The following VWA3B variants were observed in gnomAD, a reference collection of about 807,000 sequenced individuals.
The protein encoded by VWA3B is von Willebrand factor A domain-containing protein 3B.
In VWA3B, 138 loss-of-function variants were observed where a neutral mutation model predicts 158.3. The observed-to-expected ratio is 0.87, with a 90% CI of 0.76 to 1.00. VWA3B has a LOEUF of 1.00. Ranked by LOEUF, VWA3B falls within the 50% of genes least tolerant of loss-of-function variation. VWA3B has a pLI of 0.00. For missense variants in VWA3B, 1,555 were observed against 1,565.1 expected (o/e 0.99, Z 0.11); for synonymous variants, 596 against 587.3 (o/e 1.01, Z -0.21).
At chr2:98,198,604 G>A (rs1682262241) in intron 12 of VWA3B, among the ~76,000 whole-genome samples, 1 of 151,888 alleles carries the variant, frequency 6.6e-6, no homozygotes, top group Non-Finnish European at 1.5e-5. Context: ...AATGCATAGA[G>A]TCATGTATCT....
intron 22 of VWA3B, among the ~76,000 whole-genome samples, 185 bp downstream of exon 22, chr2:98,271,068 C>T (rs1688173367): frequency 6.6e-6 from 1 of 151,778 alleles, no homozygotes. Flanking sequence ...TTCGATTGTA[C>T]TATGGACTTA....
intron 5 of VWA3B, among the ~76,000 whole-genome samples, chr2:98,123,748 T>A (rs1675149979): frequency 1.3e-5 from 2 of 152,094 alleles, no homozygotes; most frequent in African/African-American, 4.8e-5. Context: ...GAGTTTCTGC[T>A]CTTCAGTAGC....
chr2:98,221,592 T>C (rs1409915575), intron 14 of VWA3B, among the ~76,000 whole-genome samples: 1 of 152,184 alleles, frequency 6.6e-6, no homozygotes, highest in Non-Finnish European at 1.5e-5. Flanking sequence ...AATGCTCTGA[T>C]TTATTTCCCT....
At chr2:98,090,772 T>C (rs1478666900) in intron 1 of VWA3B, among the ~76,000 whole-genome samples, 1 of 151,876 alleles carries the variant, frequency 6.6e-6, no homozygotes, top group Non-Finnish European at 1.5e-5. Flanking sequence ...TGAGTCTCGC[T>C]AAAGACAAGT....
At chr2:98,128,676 A>C (rs1675577695) in intron 6 of VWA3B, among the ~76,000 whole-genome samples, 1 of 152,138 alleles carries the variant, frequency 6.6e-6, no homozygotes, top group South Asian at 2.1e-4. Flanking sequence ...ATTCCTAGAG[A>C]TAGCAAATTA....
At chr2:98,217,026 G>A (rs1574108141) in intron 13 of VWA3B, 11 of 1,226,992 alleles carry the variant, frequency 9.0e-6, no homozygotes, top group Non-Finnish European at 1.2e-5. Flanking sequence ...ATGCTAAACT[G>A]GCATGATGTT....
intron 10 of VWA3B, among the ~76,000 whole-genome samples, chr2:98,189,134 C>T (rs1382128381): frequency 6.6e-5 from 10 of 152,152 alleles, no homozygotes; most frequent in African/African-American, 1.4e-4. Flanking sequence ...TTAGGCTGGG[C>T]GCAGTGATTC....
In VWA3B at chr2:98,312,464, C is replaced by CTAT; in HGVS notation, c.*116_*118dup. ...GAGGTAAGGCCGCCCTCCGCGCCGC[C>CTAT]TATGCCTGCCCTGTCTGTAGCAAAG... On this transcript the variant is annotated 3_prime_UTR_variant, in exon 28 of 28. Transcript: ENST00000477737. 7.6e-7 allele frequency: 1 copy of CTAT among 1,318,758 alleles called. No individual in the cohort carries two copies. Among genetic ancestry groups the CTAT allele is most frequent in the Non-Finnish European group, 1.0e-6 (1 of 981,050 alleles). The allele number at this position is 1,318,758 out of a possible 1,614,324, so 81.7% of individuals were successfully genotyped here.
the VWA3B span, among the ~76,000 whole-genome samples, chr2:98,326,749 C>A: frequency 1.3e-5 from 2 of 151,656 alleles, no homozygotes; most frequent in Non-Finnish European, 2.9e-5. Flanking sequence ...AGAGTGAGAC[C>A]CTATCTCAAG....
chr2:98,248,595 A>G (rs1239835161), intron 19 of VWA3B, among the ~76,000 whole-genome samples: 2 of 152,110 alleles, frequency 1.3e-5, no homozygotes, highest in African/African-American at 2.4e-5. Flanking sequence ...CCTCATACCA[A>G]TGCTGACGTC....
At position 98,125,854 on chromosome 2, in the gene VWA3B, C is replaced by T. The variant is rs1456559055; in HGVS notation, c.703-2385C>T. Among the ~76,000 whole-genome samples, 3 of 152,084 alleles carry T rather than the reference C, an allele frequency of 2.0e-5. No individual in the cohort carries two copies. Among genetic ancestry groups the T allele is most frequent in the African/African-American group, 4.8e-5 (2 of 41,404 alleles). On this transcript the variant is annotated intron_variant, in intron 5 of 27. Transcript: ENST00000477737. This position sits in a 1 kb window ranked among gnomAD's most constrained non-coding sequence, Gnocchi z 4.1. ...AATTTTTCTGTATTTTTAGTAGAGA[C>T]GGGGTTTCACTGTGTTAGCCAGGAT... is the stretch of plus-strand genomic sequence containing the variant.
the VWA3B span, among the ~76,000 whole-genome samples, chr2:98,329,505 C>G: frequency 6.6e-6 from 1 of 151,780 alleles, no homozygotes; most frequent in Non-Finnish European, 1.5e-5. Flanking sequence ...GGCAAACAAC[C>G]CTTTTTTTTT....
chr2:98,179,411 G>A, intron 8 of VWA3B: 1 of 313,640 alleles, frequency 3.2e-6, no homozygotes, highest in Non-Finnish European at 6.3e-6. Context: ...TTGGCATTGT[G>A]GTTATTCTTT....
intron 2 of VWA3B, among the ~76,000 whole-genome samples, chr2:98,107,795 T>C (rs1245640395): frequency 1.3e-5 from 2 of 152,108 alleles, no homozygotes; most frequent in Admixed American, 1.3e-4. Context: ...TGTCAGTTTA[T>C]TGATCTTTAA....
At chr2:98,158,055 C>G (rs1678245845) in intron 7 of VWA3B, among the ~76,000 whole-genome samples, 1 of 152,162 alleles carries the variant, frequency 6.6e-6, no homozygotes, top group South Asian at 2.1e-4. Flanking sequence ...TCTGGAATAC[C>G]TCGGGCATAG....
chr2:98,198,010 AT>A (rs1027703105), intron 12 of VWA3B, among the ~76,000 whole-genome samples: 2 of 151,372 alleles, frequency 1.3e-5, no homozygotes, highest in Non-Finnish European at 2.9e-5. Flanking sequence ...TCTATATTAT[AT>A]ATTGATATAT....
chr2:98,222,989 C>A (rs534935554), intron 14 of VWA3B, among the ~76,000 whole-genome samples: 2 of 152,314 alleles, frequency 1.3e-5, no homozygotes, highest in South Asian at 4.1e-4. Context: ...AAATGACAAA[C>A]AAATGATGCC....
intron 10 of VWA3B, 51 bp downstream of exon 10, chr2:98,188,180 C>A: frequency 6.4e-7 from 1 of 1,570,778 alleles, no homozygotes; most frequent in Non-Finnish European, 8.6e-7. Flanking sequence ...TCTGGACATT[C>A]TCATCTGCTT....
At chr2:98,305,250 G>T (rs1215820832) in intron 26 of VWA3B, among the ~76,000 whole-genome samples, 1 of 152,140 alleles carries the variant, frequency 6.6e-6, no homozygotes, top group African/African-American at 2.4e-5. Context: ...TCCAACCCAG[G>T]CTGCTCTCCT....
Sources: allele counts gnomAD v4.1 joint callset (sites outside exome capture counted in the v4.1 genomes callset), GRCh38; gene constraint gnomAD v4.1.1; non-coding constraint Gnocchi (gnomAD v3.1); transcripts MANE v1.5; gene names NCBI Gene and HGNC (gene_info 2026-07-23, HGNC 2026-07-21).